Variants in TEC observed in about 807,000 individuals in gnomAD.
TEC encodes the protein tyrosine-protein kinase Tec.
A neutral mutation model predicts 93.0 loss-of-function variants in TEC; 72 were observed. That is an observed-to-expected ratio of 0.77 (90% confidence interval 0.64 to 0.94). TEC has a LOEUF of 0.94. TEC is among the 40% of genes least tolerant of loss of function. The pLI is 0.00. For synonymous variants in TEC, 249 were observed against 247.7 expected, an observed-to-expected ratio of 1.01 and a Z score of -0.05; for missense variants, 630 against 757.9, an observed-to-expected ratio of 0.83 and a Z score of 1.98.
intron 2 of TEC, among the ~76,000 whole-genome samples, chr4:48,177,952 G>A (rs4323077): frequency 2.0e-5 from 3 of 151,952 alleles, no homozygotes; most frequent in Non-Finnish European, 4.4e-5. Flanking sequence ...GAGGCCTCCC[G>A]AGTCATTCAG....
intron 2 of TEC, among the ~76,000 whole-genome samples, chr4:48,176,491 CG>C (rs1721331310): frequency 6.6e-6 from 1 of 152,114 alleles, no homozygotes; most frequent in Non-Finnish European, 1.5e-5. Context: ...GAGGCCAAGG[CG>C]GGTGGATTAC....
chr4:48,139,789 T>C (rs1719585461), intron 15 of TEC, among the ~76,000 whole-genome samples: 1 of 152,234 alleles, frequency 6.6e-6, no homozygotes, highest in Admixed American at 6.5e-5. Flanking sequence ...TGTGTGTGAA[T>C]ATACCATTAA....
At chr4:48,139,775 G>C (rs1719584901) in intron 15 of TEC, among the ~76,000 whole-genome samples, 1 of 152,206 alleles carries the variant, frequency 6.6e-6, no homozygotes. Flanking sequence ...ATGTATCTCT[G>C]TATTGTGTGT....
At chr4:48,245,538 C>T (rs543399120) in intron 1 of TEC, among the ~76,000 whole-genome samples, 6 of 152,334 alleles carry the variant, frequency 3.9e-5, no homozygotes, top group African/African-American at 1.4e-4. Flanking sequence ...TTACCTGGCA[C>T]ATAGATGCCA....
intron 2 of TEC, among the ~76,000 whole-genome samples, chr4:48,227,480 T>C (rs910163860): frequency 4.6e-5 from 7 of 151,678 alleles, no homozygotes; most frequent in African/African-American, 1.7e-4. Flanking sequence ...CCATCTCTAC[T>C]AAAAATCCAA....
At chr4:48,244,796 C>T (rs1287926665) in intron 1 of TEC, among the ~76,000 whole-genome samples, 1 of 152,178 alleles carries the variant, frequency 6.6e-6, no homozygotes, top group Non-Finnish European at 1.5e-5. Context: ...CAACATCCTT[C>T]TTCTCAAATA....
rs751891388 is a variant in TEC, at chr4:48,138,928, T to C, written c.1630A>G (p.Ser544Gly). 3.7e-6 allele frequency: 6 copies of C among 1,614,246 alleles called. No homozygotes were observed. Among genetic ancestry groups the C allele is most frequent in the Non-Finnish European group, 5.1e-6 (6 of 1,180,042 alleles). ...PEVFNYSRFS[S>G]KSDVWSFGVL... ...CCAAATGACCAGACATCTGATTTGC[T>C]GCTGAAGCGGCTGTAATTAAACACT... Residue 544 changes from serine to glycine, a missense_variant, in exon 16 of 18, where the codon AGC (serine) becomes GGC (glycine). Physicochemically the swap from Ser to Gly is moderately conservative, Grantham distance 56 (BLOSUM62 0). This residue lies in a region of TEC where 289 missense variants were observed against 390.0 expected (regional missense o/e 0.74). Transcript: ENST00000381501.
chr4:48,236,275 A>C (rs1207286950), intron 1 of TEC, among the ~76,000 whole-genome samples: 1 of 151,770 alleles, frequency 6.6e-6, no homozygotes, highest in Non-Finnish European at 1.5e-5. Context: ...AGGATTACAA[A>C]CAGCTTTTTT....
chr4:48,147,395 A>T lies in TEC; in HGVS notation c.1007-996T>A, dbSNP rs562388534. Among the ~76,000 whole-genome samples, 4 of 152,360 alleles carry T rather than the reference A, an allele frequency of 2.6e-5. No individual in the cohort carries two copies. The East Asian group carries it at 7.7e-4, about 29-fold the overall frequency. ...AATGTCCATCAACTGATGAATAATA[A>T]AATCCATACAATGAATTATTTGTAT... is the stretch of plus-strand genomic sequence containing the variant. On this transcript the variant is annotated intron_variant, in intron 11 of 17. Coordinates refer to ENST00000381501, the MANE Select transcript of TEC (RefSeq NM_003215.3).
chr4:48,237,669 G>C (rs1223773498), intron 1 of TEC, among the ~76,000 whole-genome samples: 2 of 152,174 alleles, frequency 1.3e-5, no homozygotes, highest in Admixed American at 6.5e-5. Flanking sequence ...ATATCCAGCA[G>C]TATTTTACCT....
chr4:48,170,123 T>C (rs1721041774), intron 5 of TEC, 125 bp downstream of exon 5: 1 of 715,744 alleles, frequency 1.4e-6, no homozygotes, highest in South Asian at 3.5e-5. Flanking sequence ...AAAACACACC[T>C]ACCCTACATT....
chr4:48,191,441 A>C (rs1049093747), intron 2 of TEC, among the ~76,000 whole-genome samples: 17 of 152,166 alleles, frequency 1.1e-4, no homozygotes, highest in Non-Finnish European at 2.1e-4. Context: ...TTGTTTCATT[A>C]GGTAACATAC....
chr4:48,179,367 TATA>T (rs1411571730), intron 2 of TEC, among the ~76,000 whole-genome samples: 14 of 41,132 alleles, frequency 3.4e-4, no homozygotes, highest in African/African-American at 6.3e-4. Context: ...TATATATATA[TATA>T]TATATATTTT....
rs149928160 is a variant in TEC at position 48,230,437 on chromosome 4, C to T, written c.-45-1778G>A. Among the ~76,000 whole-genome samples, 565 of 152,248 alleles carry T rather than the reference C, an allele frequency of 3.7e-3. 4 individuals are homozygous for T. Among genetic ancestry groups the T allele is most frequent in the African/African-American group, 0.013 (532 of 41,540 alleles). On this transcript the variant is annotated intron_variant, in intron 1 of 17. Coordinates refer to ENST00000381501, the MANE Select transcript of TEC (RefSeq NM_003215.3). The stretch of plus-strand genomic sequence containing the variant: ...GCAAGAACTGACCATGAAAATACTA[C>T]GCAAATGTTTATCATTTTTAATTCC...
At chr4:48,215,537 G>A (rs1723050395) in intron 2 of TEC, among the ~76,000 whole-genome samples, 1 of 151,986 alleles carries the variant, frequency 6.6e-6, no homozygotes, top group Non-Finnish European at 1.5e-5. Flanking sequence ...AAATAAAATA[G>A]GCTTGTGCTA....
At chr4:48,142,268 C>T (rs1284086035) in intron 14 of TEC, among the ~76,000 whole-genome samples, 2 of 152,102 alleles carry the variant, frequency 1.3e-5, no homozygotes, top group African/African-American at 4.8e-5. Flanking sequence ...GTCAGGAGTT[C>T]GGGACCAGCC....
At chr4:48,179,361 TATATATATATATATA>T (rs1226972721) in intron 2 of TEC, among the ~76,000 whole-genome samples, 668 of 43,980 alleles carry the variant, frequency 0.015, 14 homozygotes, top group East Asian at 0.033. Context: ...TATATATATA[TATATATATATATATA>T]TTTTTTTTTT....
chr4:48,157,881 GA>G (rs1294440653), intron 8 of TEC, among the ~76,000 whole-genome samples: 1 of 152,094 alleles, frequency 6.6e-6, no homozygotes, highest in Non-Finnish European at 1.5e-5. Flanking sequence ...CTCATCCTCA[GA>G]GATACTTGCC....
intron 1 of TEC, among the ~76,000 whole-genome samples, chr4:48,269,055 C>T (rs995279517): frequency 1.5e-5 from 2 of 134,528 alleles, no homozygotes; most frequent in Non-Finnish European, 3.1e-5. Flanking sequence ...ATACATTGGC[C>T]GGGCACCTGT....
Sources: allele counts gnomAD v4.1 joint callset (sites outside exome capture counted in the v4.1 genomes callset), GRCh38; gene constraint gnomAD v4.1.1; regional missense constraint gnomAD v4.1.1; transcripts MANE v1.5; gene names NCBI Gene and HGNC (gene_info 2026-07-23, HGNC 2026-07-21).